The following STK32B variants were observed in gnomAD, a reference collection of about 807,000 sequenced individuals.
STK32B encodes serine/threonine kinase 32B.
A neutral mutation model predicts 52.6 loss-of-function variants in STK32B; 43 were observed. The ratio of observed to expected loss-of-function variants is 0.82; its 90% CI spans 0.64 to 1.05. The LOEUF (loss-of-function observed/expected upper bound fraction) is 1.05, where lower values mean the gene tolerates loss of function less well. Ranked by LOEUF, STK32B falls within the 50% of genes least tolerant of loss-of-function variation. STK32B has a pLI of 0.00. For synonymous variants in STK32B, 238 were observed against 204.3 expected (o/e 1.17, Z -1.41); for missense variants, 621 against 534.6 (o/e 1.16, Z -1.59).
the STK32B span, among the ~76,000 whole-genome samples, chr4:5,021,813 T>C: frequency 1.3e-5 from 2 of 152,178 alleles, no homozygotes; most frequent in African/African-American, 4.8e-5. Flanking sequence ...AGTAAGTGGC[T>C]GTAGCCATAA....
intron 3 of STK32B, among the ~76,000 whole-genome samples, chr4:5,186,571 A>C (rs1407844864): frequency 6.6e-6 from 1 of 152,038 alleles, no homozygotes; most frequent in Non-Finnish European, 1.5e-5. Context: ...GTCCTGGGTT[A>C]ACTTAAAAAC....
At chr4:5,430,523 G>C (rs1161483807) in intron 6 of STK32B, among the ~76,000 whole-genome samples, 1 of 152,092 alleles carries the variant, frequency 6.6e-6, no homozygotes. Context: ...TGTTTGTTAG[G>C]TCTGACATCT....
intron 11 of STK32B, among the ~76,000 whole-genome samples, chr4:5,496,306 C>T (rs757690299): frequency 1.2e-4 from 18 of 152,230 alleles, no homozygotes; most frequent in Non-Finnish European, 1.8e-4. Flanking sequence ...ACCAGCCTCG[C>T]TGCCGCCTTG....
chr4:5,171,516 T>C (rs1450954634), intron 3 of STK32B, among the ~76,000 whole-genome samples: 10 of 152,216 alleles, frequency 6.6e-5, no homozygotes, highest in African/African-American at 4.8e-5. Flanking sequence ...AGTTTCAGCT[T>C]TCTCCATATG....
intron 3 of STK32B, among the ~76,000 whole-genome samples, chr4:5,319,797 C>G (rs1731367227): frequency 6.6e-6 from 1 of 152,178 alleles, no homozygotes; most frequent in South Asian, 2.1e-4. Context: ...AGAGCTGACT[C>G]TGGGCTGAAA....
intron 1 of STK32B, among the ~76,000 whole-genome samples, chr4:5,076,254 G>A (rs1332071054): frequency 6.6e-6 from 1 of 152,112 alleles, no homozygotes; most frequent in Non-Finnish European, 1.5e-5. Flanking sequence ...TGAAGAATTG[G>A]AACAAATAAT....
intron 3 of STK32B, among the ~76,000 whole-genome samples, chr4:5,309,130 AAAC>A (rs1291848402): frequency 1.3e-5 from 2 of 152,158 alleles, no homozygotes; most frequent in Non-Finnish European, 2.9e-5. Flanking sequence ...GAAATTAAGA[AAAC>A]AATTTCATTT....
At chr4:5,318,545 A>G (rs1322087657) in intron 3 of STK32B, among the ~76,000 whole-genome samples, 5 of 152,194 alleles carry the variant, frequency 3.3e-5, no homozygotes, top group African/African-American at 1.2e-4. Context: ...GGCTAGGTTA[A>G]GGGATCCTGA....
chr4:5,379,503 A>T (rs76192343), intron 4 of STK32B, among the ~76,000 whole-genome samples: 6,390 of 152,214 alleles, frequency 0.042, 179 homozygotes, highest in East Asian at 0.084. Context: ...GTGCTATGGG[A>T]TGGATTGTGC....
chr4:5,348,008 C>G (rs926984490), intron 4 of STK32B, among the ~76,000 whole-genome samples: 1 of 152,144 alleles, frequency 6.6e-6, no homozygotes, highest in African/African-American at 2.4e-5. Context: ...TACATAACCA[C>G]TCTGAGTAGA....
At chr4:5,387,242 A>G (rs1736317743) in intron 4 of STK32B, among the ~76,000 whole-genome samples, 1 of 152,134 alleles carries the variant, frequency 6.6e-6, no homozygotes, top group Non-Finnish European at 1.5e-5. Context: ...TTGCCTCATG[A>G]CAAATTTACA....
intron 4 of STK32B, among the ~76,000 whole-genome samples, chr4:5,347,577 T>A (rs1733549703): frequency 1.3e-5 from 2 of 152,136 alleles, no homozygotes; most frequent in Non-Finnish European, 1.5e-5. Flanking sequence ...CTACATACAT[T>A]TGGTAATCAC....
chr4:5,286,679 T>A (rs1158823201), intron 3 of STK32B, among the ~76,000 whole-genome samples: 1 of 152,192 alleles, frequency 6.6e-6, no homozygotes, highest in East Asian at 1.9e-4. Context: ...ATTCTTCTGT[T>A]AATGAACTTT....
intron 7 of STK32B, among the ~76,000 whole-genome samples, chr4:5,454,650 C>A (rs1270492464): frequency 6.6e-6 from 1 of 152,110 alleles, no homozygotes; most frequent in Admixed American, 6.5e-5. Context: ...TGAGCCTTGG[C>A]AATTCACACT....
intron 3 of STK32B, among the ~76,000 whole-genome samples, chr4:5,242,863 G>C (rs1035956711): frequency 3.9e-5 from 6 of 152,128 alleles, no homozygotes; most frequent in African/African-American, 1.2e-4. Context: ...GTTTTTCTCA[G>C]GTTTGTCAAA....
At chr4:5,347,357 A>G (rs756365582) in intron 4 of STK32B, among the ~76,000 whole-genome samples, 2 of 152,184 alleles carry the variant, frequency 1.3e-5, no homozygotes, top group Non-Finnish European at 2.9e-5. Context: ...CAGTGAACAT[A>G]AACATGATCT....
chr4:5,464,578 C>T (rs1194510689), intron 9 of STK32B, among the ~76,000 whole-genome samples: 2 of 152,246 alleles, frequency 1.3e-5, no homozygotes, highest in Admixed American at 6.5e-5. Flanking sequence ...TAAGTGTGTG[C>T]TTGTCACGTG....
At chr4:5,254,133 T>C (rs1362873587) in intron 3 of STK32B, among the ~76,000 whole-genome samples, 1 of 152,220 alleles carries the variant, frequency 6.6e-6, no homozygotes, top group African/African-American at 2.4e-5. Flanking sequence ...TATTTTTGCC[T>C]ATGTTAGCTT....
At chr4:5,462,404 CTG>C (rs375327182) in intron 9 of STK32B, among the ~76,000 whole-genome samples, 5 of 150,140 alleles carry the variant, frequency 3.3e-5, no homozygotes, top group Non-Finnish European at 6.0e-5. Flanking sequence ...GTGTGTGCAT[CTG>C]TGTGTGTGTG....
Sources: allele counts gnomAD v4.1 joint callset (sites outside exome capture counted in the v4.1 genomes callset), GRCh38; gene constraint gnomAD v4.1.1; transcripts MANE v1.5; gene names NCBI Gene and HGNC (gene_info 2026-07-23, HGNC 2026-07-21).